Variants in KIAA1217 observed in about 807,000 individuals in gnomAD.
The protein encoded by KIAA1217 is sickle tail protein homolog.
In KIAA1217, 88 loss-of-function variants were observed where a neutral mutation model predicts 163.9. The observed-to-expected ratio is 0.54, with a 90% confidence interval of 0.45 to 0.64. The LOEUF (loss-of-function observed/expected upper bound fraction) is 0.64, where lower values mean the gene tolerates loss of function less well. Ranked by LOEUF, KIAA1217 falls within the 30% of genes least tolerant of loss-of-function variation. The pLI is 0.00. For missense variants in KIAA1217, 2,372 were observed against 2,475.0 expected, an observed-to-expected ratio of 0.96 and a Z score of 0.88; for synonymous variants, 903 against 923.1, an observed-to-expected ratio of 0.98 and a Z score of 0.39.
chr10:24,044,209 T>C (rs1848822396), intron 2 of KIAA1217, among the ~76,000 whole-genome samples: 1 of 152,166 alleles, frequency 6.6e-6, no homozygotes, highest in Non-Finnish European at 1.5e-5. Context: ...AAACCTTTAA[T>C]AGTTGGCAAA....
chr10:23,786,779 A>G (rs1835515350), intron 1 of KIAA1217, among the ~76,000 whole-genome samples: 1 of 151,982 alleles, frequency 6.6e-6, no homozygotes, highest in South Asian at 2.1e-4. Flanking sequence ...AGCACACAGG[A>G]ATGATACCAC....
chr10:23,972,684 A>G (rs1022123675), intron 1 of KIAA1217, among the ~76,000 whole-genome samples: 1 of 152,158 alleles, frequency 6.6e-6, no homozygotes, highest in Admixed American at 6.6e-5. Context: ...ACTATTTACA[A>G]TAGCAAAGAC....
chr10:24,131,926 C>T (rs1399832022), intron 2 of KIAA1217, among the ~76,000 whole-genome samples: 5 of 152,200 alleles, frequency 3.3e-5, no homozygotes, highest in African/African-American at 7.2e-5. Context: ...TCACCATAAA[C>T]AATCTCCACG....
intron 2 of KIAA1217, among the ~76,000 whole-genome samples, chr10:24,328,144 C>T (rs142336305): frequency 3.0e-4 from 46 of 152,160 alleles, no homozygotes; most frequent in East Asian, 1.2e-3. Flanking sequence ...CAAGTATTGC[C>T]GGGGAAGAAA....
At chr10:24,471,380 C>T (rs2063494686) in intron 5 of KIAA1217, among the ~76,000 whole-genome samples, 1 of 152,194 alleles carries the variant, frequency 6.6e-6, no homozygotes, top group Non-Finnish European at 1.5e-5. Context: ...CCTGTCTCTC[C>T]TTCCCTCAGT....
intron 2 of KIAA1217, among the ~76,000 whole-genome samples, chr10:24,065,781 C>T (rs2060918384): frequency 6.6e-6 from 1 of 152,146 alleles, no homozygotes; most frequent in Non-Finnish European, 1.5e-5. Flanking sequence ...GAGTCTAAGT[C>T]TCTTTGTAGG....
intron 5 of KIAA1217, among the ~76,000 whole-genome samples, chr10:24,462,953 G>A (rs1267227746): frequency 6.6e-6 from 1 of 152,158 alleles, no homozygotes; most frequent in Admixed American, 6.5e-5. Flanking sequence ...AGGGAGCTGT[G>A]CATAAAAGAA....
intron 2 of KIAA1217, among the ~76,000 whole-genome samples, chr10:24,256,013 C>T (rs1019742852): frequency 5.0e-5 from 7 of 140,792 alleles, no homozygotes; most frequent in Non-Finnish European, 9.0e-5. Context: ...GTTAGAAAGC[C>T]GAGTGCTGCC....
chr10:24,101,912 T>C (rs1393916373), intron 2 of KIAA1217, among the ~76,000 whole-genome samples: 1 of 152,140 alleles, frequency 6.6e-6, no homozygotes, highest in Non-Finnish European at 1.5e-5. Flanking sequence ...AAATAATTAA[T>C]GGATATGGGA....
At chr10:24,397,041 G>A (rs1307500242) in intron 3 of KIAA1217, among the ~76,000 whole-genome samples, 1 of 151,520 alleles carries the variant, frequency 6.6e-6, no homozygotes, top group African/African-American at 2.4e-5. Context: ...TTTGAAATGA[G>A]ATTAAGGTTG....
At chr10:24,471,207 A>T (rs1010718032) in intron 5 of KIAA1217, among the ~76,000 whole-genome samples, 1 of 151,998 alleles carries the variant, frequency 6.6e-6, no homozygotes, top group African/African-American at 2.4e-5. Flanking sequence ...TTGGCTGCTC[A>T]TCTTGGTTCT....
At chr10:24,484,894 T>C (rs2065190931) in intron 6 of KIAA1217, among the ~76,000 whole-genome samples, 1 of 152,168 alleles carries the variant, frequency 6.6e-6, no homozygotes, top group Admixed American at 6.5e-5. Context: ...GACTTGGGGC[T>C]GTTTCCTGGT....
intron 2 of KIAA1217, among the ~76,000 whole-genome samples, chr10:24,297,749 CTG>C (rs1171267519): frequency 1.3e-5 from 2 of 151,932 alleles, no homozygotes; most frequent in Non-Finnish European, 2.9e-5. Context: ...GAACAAGACT[CTG>C]TCTCAAAAAA....
intron 1 of KIAA1217, among the ~76,000 whole-genome samples, chr10:23,926,190 T>C (rs1160513394): frequency 6.6e-6 from 1 of 152,090 alleles, no homozygotes; most frequent in African/African-American, 2.4e-5. Context: ...ATTCAGTCAG[T>C]TCTCCCACCC....
intron 2 of KIAA1217, among the ~76,000 whole-genome samples, chr10:24,175,072 G>A (rs1180639272): frequency 6.6e-6 from 1 of 151,714 alleles, no homozygotes; most frequent in African/African-American, 2.4e-5. Context: ...ATGTTGGCCA[G>A]CGTGGTCTCA....
chr10:24,189,396 G>T (rs1383213804), intron 2 of KIAA1217, among the ~76,000 whole-genome samples: 2 of 152,070 alleles, frequency 1.3e-5, no homozygotes, highest in Non-Finnish European at 2.9e-5. Context: ...GACAATGATT[G>T]GTCGCCTTGG....
chr10:24,436,487 T>C (rs181406230), intron 4 of KIAA1217, among the ~76,000 whole-genome samples: 19 of 147,664 alleles, frequency 1.3e-4, no homozygotes, highest in Non-Finnish European at 2.4e-4. Context: ...GGCTGGGCGC[T>C]GTGGCTCACG....
At chr10:24,011,436 G>A (rs977146320) in intron 2 of KIAA1217, among the ~76,000 whole-genome samples, 2 of 152,106 alleles carry the variant, frequency 1.3e-5, no homozygotes, top group African/African-American at 4.8e-5. Context: ...GCAGTGAGCT[G>A]TGATCATGCC....
rs577491199 is a variant in KIAA1217 at position 23,864,329 on chromosome 10, A to G, written c.-320-142896A>G. 2.6e-5 allele frequency among the ~76,000 whole-genome samples: 4 copies of G among 152,202 alleles called. No individual in the cohort carries two copies. In the East Asian group the frequency reaches 7.7e-4, roughly 29 times the overall value. ...GTGATAACTGTCCGTTTTGCACAGG[A>G]CAAGTTAATGTTCCTTAGCCTGGTA... On this transcript the variant is annotated intron_variant, in intron 1 of 18. Transcript: ENST00000376462.
Sources: gnomAD v4.1 joint callset for allele counts (sites outside exome capture counted in the v4.1 genomes callset) on GRCh38, gnomAD v4.1.1 for gene constraint, MANE v1.5 for transcripts, NCBI Gene and HGNC (gene_info 2026-07-23, HGNC 2026-07-21) for gene names.